The following SLC24A2 variants were observed in gnomAD, a reference collection of about 807,000 sequenced individuals.
SLC24A2 encodes sodium/potassium/calcium exchanger 2.
A neutral mutation model predicts 62.0 loss-of-function variants in SLC24A2; 36 were observed. That is an observed-to-expected ratio of 0.58 (90% CI 0.44 to 0.77). The LOEUF (loss-of-function observed/expected upper bound fraction) is 0.77. Ranked by LOEUF, SLC24A2 falls within the 30% of genes least tolerant of loss-of-function variation. The pLI is 0.00. For synonymous variants in SLC24A2, 358 were observed against 294.0 expected (o/e 1.22, Z -2.23); for missense variants, 846 against 817.9 (o/e 1.03, Z -0.42).
chr9:20,185,598 G>C, the SLC24A2 span, among the ~76,000 whole-genome samples: 3 of 150,168 alleles, frequency 2.0e-5, no homozygotes, highest in East Asian at 5.9e-4. Context: ...CCGGGAAGCA[G>C]AGCTTGCAGT....
At chr9:19,751,041 C>T (rs948954923) in intron 2 of SLC24A2, among the ~76,000 whole-genome samples, 2 of 152,174 alleles carry the variant, frequency 1.3e-5, no homozygotes, top group Non-Finnish European at 2.9e-5. Context: ...CACTATGGGG[C>T]TTACTGTTTT....
chr9:20,240,385 G>A, the SLC24A2 span, among the ~76,000 whole-genome samples: 3 of 152,096 alleles, frequency 2.0e-5, no homozygotes, highest in Admixed American at 1.3e-4. Flanking sequence ...CTGAGTGTTG[G>A]AGGAAATATA....
At chr9:20,005,720 T>G in the SLC24A2 span, among the ~76,000 whole-genome samples, 2,567 of 151,940 alleles carry the variant, frequency 0.017, 55 homozygotes, top group African/African-American at 0.058. Context: ...TGGAGAAAAA[T>G]AATTTTACAT....
chr9:19,765,069 G>T (rs1822468346), intron 2 of SLC24A2, among the ~76,000 whole-genome samples: 4 of 151,734 alleles, frequency 2.6e-5, no homozygotes, highest in African/African-American at 9.7e-5. Flanking sequence ...TGTCTTTTCT[G>T]ATATTTGTTT....
At chr9:19,572,246 T>A (rs1454908665) in intron 7 of SLC24A2, among the ~76,000 whole-genome samples, 8 of 106,942 alleles carry the variant, frequency 7.5e-5, no homozygotes, top group African/African-American at 2.3e-4. Context: ...GGTGACAGAG[T>A]GAGAGTCCGT....
chr9:19,771,977 C>T (rs1363432962), intron 2 of SLC24A2, among the ~76,000 whole-genome samples: 1 of 152,020 alleles, frequency 6.6e-6, no homozygotes, highest in African/African-American at 2.4e-5. Flanking sequence ...AGCTAAGGGC[C>T]CAGTACAGAC....
Position 19,650,029 on chromosome 9 carries a change from C to A in SLC24A2, c.931-27730G>T, listed in dbSNP as rs150834204. On this transcript the variant is annotated intron_variant, in intron 2 of 10. Coordinates refer to ENST00000341998, the MANE Select transcript of SLC24A2 (RefSeq NM_020344.4). ...TGGCGGGGTACAACTGGTGACATAA[C>A]ATACACAGCAAACTGCTCTAAACCT... Among the ~76,000 whole-genome samples, 1,260 of 152,232 alleles carry A rather than the reference C, an allele frequency of 8.3e-3. 18 individuals are homozygous for A. The highest frequency in any genetic ancestry group is 0.029 in the African/African-American group (1,194 of 41,528).
the SLC24A2 span, among the ~76,000 whole-genome samples, chr9:19,994,072 C>G: frequency 6.6e-6 from 1 of 152,172 alleles, no homozygotes; most frequent in East Asian, 1.9e-4. Context: ...GGTGGCAGAG[C>G]TGGGATTAGA....
chr9:20,275,829 C>T, the SLC24A2 span, among the ~76,000 whole-genome samples: 2 of 152,164 alleles, frequency 1.3e-5, no homozygotes, highest in East Asian at 3.9e-4. Flanking sequence ...AGCAAAGGCA[C>T]ATCTTACATG....
At chr9:20,267,220 T>C in the SLC24A2 span, among the ~76,000 whole-genome samples, 1 of 152,218 alleles carries the variant, frequency 6.6e-6, no homozygotes, top group Non-Finnish European at 1.5e-5. Flanking sequence ...TTAAATGGCT[T>C]CTTTAATCAC....
At chr9:20,190,102 A>G in the SLC24A2 span, among the ~76,000 whole-genome samples, 1 of 152,176 alleles carries the variant, frequency 6.6e-6, no homozygotes, top group Non-Finnish European at 1.5e-5. Flanking sequence ...ATTGGTTCAT[A>G]GCTGTGTGAA....
At chr9:20,209,881 C>T in the SLC24A2 span, among the ~76,000 whole-genome samples, 16,601 of 152,162 alleles carry the variant, frequency 0.11, 984 homozygotes, top group East Asian at 0.14. Flanking sequence ...GGTTTAAGTA[C>T]GCCTGAAATA....
At chr9:19,700,176 A>G (rs556718633) in intron 2 of SLC24A2, among the ~76,000 whole-genome samples, 2 of 152,068 alleles carry the variant, frequency 1.3e-5, no homozygotes, top group South Asian at 4.1e-4. Flanking sequence ...CAAATGACCA[A>G]CTTCTTGGTT....
chr9:19,821,370 C>G, the SLC24A2 span, among the ~76,000 whole-genome samples: 1 of 152,192 alleles, frequency 6.6e-6, no homozygotes, highest in African/African-American at 2.4e-5. Flanking sequence ...GTCCCTATTG[C>G]TGTGCATCTT....
At chr9:20,263,864 C>CCACCT in the SLC24A2 span, among the ~76,000 whole-genome samples, 1 of 75,584 alleles carries the variant, frequency 1.3e-5, no homozygotes, top group African/African-American at 5.7e-5. Flanking sequence ...CCCACCCGCC[C>CCACCT]CCCCCCCCCC....
chr9:19,946,248 A>C, the SLC24A2 span, among the ~76,000 whole-genome samples: 4 of 152,176 alleles, frequency 2.6e-5, no homozygotes, highest in African/African-American at 9.7e-5. Context: ...CTAATTAATG[A>C]GTCTGATTCC....
chr9:20,022,311 T>C, the SLC24A2 span, among the ~76,000 whole-genome samples: 1 of 152,240 alleles, frequency 6.6e-6, no homozygotes, highest in Non-Finnish European at 1.5e-5. Flanking sequence ...CCTTATCATA[T>C]AATAGGTGTT....
chr9:19,569,221 G>A (rs188393789), intron 7 of SLC24A2, among the ~76,000 whole-genome samples: 3 of 152,260 alleles, frequency 2.0e-5, no homozygotes, highest in Admixed American at 2.0e-4. Context: ...AAAAGCTTTA[G>A]AAATGTAAAA....
the SLC24A2 span, among the ~76,000 whole-genome samples, chr9:20,052,526 T>C: frequency 1.3e-5 from 2 of 152,248 alleles, no homozygotes; most frequent in South Asian, 2.1e-4. Flanking sequence ...GTTCCCGTTT[T>C]TTCCATGGGT....
Sources: allele counts gnomAD v4.1 joint callset (sites outside exome capture counted in the v4.1 genomes callset), GRCh38; gene constraint gnomAD v4.1.1; transcripts MANE v1.5; gene names NCBI Gene and HGNC (gene_info 2026-07-23, HGNC 2026-07-21).